The following PTPN11 variants were observed in gnomAD, a reference collection of about 807,000 sequenced individuals.
PTPN11 encodes protein tyrosine phosphatase non-receptor type 11.
Under a neutral mutation model 78.8 loss-of-function variants are expected in PTPN11, and 6 were observed. That is an observed-to-expected ratio of 0.08 (90% CI 0.04 to 0.15). The LOEUF (loss-of-function observed/expected upper bound fraction) is 0.15, where lower values mean the gene tolerates loss of function less well. Among genes scored for constraint, PTPN11 ranks in the 10% least tolerant of loss-of-function variants. The probability of loss-of-function intolerance (pLI) is 1.00; values close to 1 mark genes in which losing one functional copy is unlikely to be tolerated. For synonymous variants in PTPN11, 221 were observed against 263.5 expected (o/e 0.84, Z 1.56); for missense variants, 386 against 744.8 (o/e 0.52, Z 5.61).
chr12:112,425,042 G>A (rs764104022), intron 1 of PTPN11, among the ~76,000 whole-genome samples: 9 of 148,980 alleles, frequency 6.0e-5, no homozygotes, highest in Non-Finnish European at 1.0e-4. Context: ...TGTTGCCCAG[G>A]CTGGTCTCAA....
intron 7 of PTPN11, among the ~76,000 whole-genome samples, chr12:112,474,450 T>C (rs1349915311): frequency 1.3e-5 from 2 of 151,892 alleles, no homozygotes; most frequent in East Asian, 1.9e-4. Context: ...ACTCCTGGGC[T>C]CAAGTAGTCC....
rs540663682 is a variant in PTPN11, at chr12:112,504,051, C to T, written c.1713-644C>T. The stretch of plus-strand genomic sequence containing the variant: ...GCTTTTGCCTGTTCAGATCCCTCTA[C>T]TGGAAATTAATAGGATTTCATTCTA... On this transcript the variant is annotated intron_variant, in intron 14 of 15. Coordinates refer to ENST00000351677, the MANE Select transcript of PTPN11 (RefSeq NM_002834.5). This position sits in a 1 kb window ranked among gnomAD's most constrained non-coding sequence, Gnocchi z 4.7. Among the ~76,000 whole-genome samples the T allele has an allele frequency of 1.3e-5, 2 of 152,312 alleles. No individual in the cohort carries two copies. Among genetic ancestry groups the T allele is most frequent in the South Asian group, 4.1e-4 (2 of 4,828 alleles).
rs2135935437 is a variant in PTPN11, at chr12:112,509,896, A to C, written c.*4104A>C. The C allele has an allele frequency of 6.6e-6, 1 of 152,460 alleles. No individual in the cohort carries two copies. Among genetic ancestry groups the C allele is most frequent in the South Asian group, 2.1e-4 (1 of 4,818 alleles). The allele number at this position is 152,460 out of a possible 1,614,324, so 9.4% of individuals were successfully genotyped here. ...TATGGGAACTAAAAATTAGGAATAA[A>C]ACCATTTTCTTATATGATGGCATTT... On this transcript the variant is annotated 3_prime_UTR_variant, in exon 16 of 16. Coordinates refer to ENST00000351677, the MANE Select transcript of PTPN11 (RefSeq NM_002834.5).
intron 6 of PTPN11, among the ~76,000 whole-genome samples, chr12:112,470,448 A>G (rs1192216461): frequency 1.3e-5 from 2 of 152,232 alleles, no homozygotes; most frequent in Non-Finnish European, 2.9e-5. Flanking sequence ...AGGCACAGAC[A>G]GGCAAAGTAG....
chr12:112,504,632 A>G lies in PTPN11; in HGVS notation c.1713-63A>G. The G allele has an allele frequency of 8.2e-7, 1 of 1,215,954 alleles. No individual in the cohort carries two copies. Among genetic ancestry groups the G allele is most frequent in the Non-Finnish European group, 1.2e-6 (1 of 833,954 alleles). 75.3% of individuals were successfully genotyped at this position (1,215,954 alleles called of 1,614,324 possible). On this transcript the variant is annotated intron_variant, in intron 14 of 15. Transcript: ENST00000351677. The surrounding 1 kb of genome is among the most constrained non-coding windows in gnomAD (Gnocchi z 4.7). ...ATGTAGTATGTGTTTTATAGATATCATGTAAGCTTAAACAGCGTGGTCTAC... is the reference window on the plus strand; with the variant it reads ...ATGTAGTATGTGTTTTATAGATATCGTGTAAGCTTAAACAGCGTGGTCTAC...
chr12:112,465,726 AT>A, intron 6 of PTPN11, among the ~76,000 whole-genome samples: 1 of 152,266 alleles, frequency 6.6e-6, no homozygotes, highest in South Asian at 2.1e-4. Context: ...CCTTTCAGAT[AT>A]TGAAACTAGC....
chr12:112,466,058 T>C (rs2038321473), intron 6 of PTPN11, among the ~76,000 whole-genome samples: 1 of 152,110 alleles, frequency 6.6e-6, no homozygotes, highest in African/African-American at 2.4e-5. Context: ...AAATCAGTCT[T>C]TATCTTTATA....
chr12:112,429,285 A>G (rs1487497643), intron 1 of PTPN11, among the ~76,000 whole-genome samples: 4 of 152,176 alleles, frequency 2.6e-5, no homozygotes, highest in Non-Finnish European at 2.9e-5. Flanking sequence ...AATACTGGTT[A>G]CTAAGTTTCC....
rs397507521 is a variant in PTPN11, at chr12:112,453,317, G to A, written c.455G>A (p.Arg152His). 27 of 1,613,938 alleles carry A rather than the reference G, an allele frequency of 1.7e-5. No individual in the cohort carries two copies. The highest frequency in any genetic ancestry group is 5.0e-5 in the Admixed American group (3 of 59,978). ...SHPGDFVLSV[R>H]TGDDKGESND... ...CCTGGAGATTTTGTTCTTTCTGTGC[G>A]CACTGGTGATGACAAAGGGGAGAGC... is the stretch of plus-strand genomic sequence containing the variant. Residue 152 changes from arginine to histidine, a missense_variant, in exon 4 of 16, where the codon CGC becomes CAC. Around this residue, in one of 3 missense-constraint regions of PTPN11, gnomAD observed 279 missense variants for 503.3 expected, o/e 0.55. Transcript: ENST00000351677.
chr12:112,439,120 A>G (rs773481499), intron 1 of PTPN11, among the ~76,000 whole-genome samples: 3 of 152,144 alleles, frequency 2.0e-5, no homozygotes, highest in Non-Finnish European at 4.4e-5. Flanking sequence ...GACTTAACAG[A>G]GAGGTTAAAT....
chr12:112,483,405 G>T lies in PTPN11; in HGVS notation c.1224+1200G>T, dbSNP rs547606405. On this transcript the variant is annotated intron_variant, in intron 10 of 15. Transcript: ENST00000351677. The stretch of plus-strand genomic sequence containing the variant: ...TTGTCTCATTATGTTGCCCAGGCTG[G>T]TCTTGAACTCCTGGGCTTAAGCGAT... 6.6e-5 allele frequency among the ~76,000 whole-genome samples: 10 copies of T among 152,250 alleles called. No individual in the cohort carries two copies. The South Asian group carries it at 2.1e-3, about 32-fold the overall frequency.
In PTPN11 at chr12:112,473,114, C is replaced by A; in HGVS notation, c.853+74C>A. On this transcript the variant is annotated intron_variant, in intron 7 of 15. Coordinates refer to ENST00000351677, the MANE Select transcript of PTPN11 (RefSeq NM_002834.5). ...TTCCTAGCACCTCTGTACCTTTCCT[C>A]AGGGTCGTGTGCTCTTGTTAGCACA... The A allele has an allele frequency of 3.2e-6, 4 of 1,254,734 alleles. No individual in the cohort carries two copies. In the Admixed American group the frequency reaches 5.3e-5, roughly 17 times the overall value. The allele number at this position is 1,254,734 out of a possible 1,614,324, so 77.7% of individuals were successfully genotyped here.
At chr12:112,440,282 CTTTTTTTTT>C (rs1490655761) in intron 1 of PTPN11, among the ~76,000 whole-genome samples, 1 of 150,842 alleles carries the variant, frequency 6.6e-6, no homozygotes, top group Non-Finnish European at 1.5e-5. Flanking sequence ...CTCAATTTTC[CTTTTTTTTT>C]GAGACGGAAT....
intron 1 of PTPN11, among the ~76,000 whole-genome samples, chr12:112,440,543 C>T (rs1395331628): frequency 3.5e-4 from 45 of 129,598 alleles, no homozygotes; most frequent in African/African-American, 1.2e-3. Flanking sequence ...GGATTACAGG[C>T]GTGAGCCACT....
chr12:112,437,085 T>G lies in PTPN11; in HGVS notation c.15-9191T>G, dbSNP rs75924654. Among the ~76,000 whole-genome samples, 1,195 of 152,238 alleles carry G rather than the reference T, an allele frequency of 7.8e-3. 16 individuals carry two copies. The highest frequency in any genetic ancestry group is 0.027 in the African/African-American group (1,102 of 41,558). ...TAGAAAGCCTTTCCTTATTCTAAGG[T>G]TAACAAGACATTCACCCATGTTTTC... On this transcript the variant is annotated intron_variant, in intron 1 of 15. Coordinates refer to ENST00000351677, the MANE Select transcript of PTPN11 (RefSeq NM_002834.5).
At position 112,504,728 on chromosome 12, in the gene PTPN11, C is replaced by T. The variant is rs397516800; in HGVS notation, c.1746C>T (p.Asn582=). 1.0e-4 allele frequency: 165 copies of T among 1,593,252 alleles called. No individual in the cohort carries two copies. Among genetic ancestry groups the T allele is most frequent in the Admixed American group, 1.3e-4 (8 of 59,944 alleles). The change falls in exon 15 of 16, where the codon AAC becomes AAT. Residue 582 remains asparagine (N), a synonymous_variant. Transcript: ENST00000351677. The surrounding 1 kb of genome is among the most constrained non-coding windows in gnomAD (Gnocchi z 4.7). ...AAGACAGTGCTAGAGTCTATGAAAA[C>T]GTGGGCCTGATGCAACAGCAGAAAA... ...MREDSARVYE[N]VGLMQQQKSF...
At chr12:112,431,173 C>T (rs778027998) in intron 1 of PTPN11, among the ~76,000 whole-genome samples, 16 of 152,178 alleles carry the variant, frequency 1.1e-4, no homozygotes, top group Non-Finnish European at 2.4e-4. Flanking sequence ...TGGGGCTTAC[C>T]CCAAGGTTGC....
rs1055117858 is a variant in PTPN11 at position 112,465,154 on chromosome 12, G to A, written c.757-7790G>A. On this transcript the variant is annotated intron_variant, in intron 6 of 15. Transcript: ENST00000351677. ...GTTGTATTGAAAAGGTGCTTGGGCC[G>A]GGCGTGGTGGCTCACACCTGTAATC... Among the ~76,000 whole-genome samples the A allele has an allele frequency of 7.2e-5, 11 of 152,222 alleles. No individual in the cohort carries two copies. In the South Asian group the frequency reaches 1.7e-3, roughly 23 times the overall value.
Position 112,455,912 on chromosome 12 carries a change from AT to A in PTPN11, c.643-34del, listed in dbSNP as rs755400416. ...TTGCATTAACACCGTTTTCTGTAAT[AT>A]TTTCTTTATTTTACATCAACTGCTG... On this transcript the variant is annotated intron_variant, in intron 5 of 15. Transcript: ENST00000351677. 9 of 1,142,102 alleles carry A rather than the reference AT, an allele frequency of 7.9e-6. No individual in the cohort carries two copies. In the East Asian group the frequency reaches 9.6e-5, roughly 12 times the overall value. The allele number at this position is 1,142,102 out of a possible 1,614,324, so 70.7% of individuals were successfully genotyped here.
Sources: gnomAD v4.1 joint callset for allele counts (sites outside exome capture counted in the v4.1 genomes callset) on GRCh38, gnomAD v4.1.1 for gene constraint, gnomAD v4.1.1 regional missense constraint, Gnocchi (gnomAD v3.1) non-coding constraint, MANE v1.5 for transcripts, NCBI Gene and HGNC (gene_info 2026-07-23, HGNC 2026-07-21) for gene names.